SEC11A: variants seen among roughly 807,000 people sequenced by gnomAD.
SEC11A encodes the protein SEC11 homolog A, signal peptidase complex subunit, also known as signal peptidase complex catalytic subunit SEC11A.
In SEC11A, 14 loss-of-function variants were observed where a neutral mutation model predicts 25.6. The ratio of observed to expected loss-of-function variants is 0.55; its 90% CI spans 0.36 to 0.85. SEC11A has a LOEUF of 0.85. SEC11A is among the 40% of genes least tolerant of loss of function. The pLI, the probability that SEC11A is intolerant of heterozygous loss-of-function variation, is 0.01. For missense variants in SEC11A, 153 were observed against 222.9 expected, an observed-to-expected ratio of 0.69 and a Z score of 2.00; for synonymous variants, 83 against 76.4, an observed-to-expected ratio of 1.09 and a Z score of -0.45.
At chr15:84,687,198 GAGA>G (rs948162710) in intron 3 of SEC11A, among the ~76,000 whole-genome samples, 4 of 152,002 alleles carry the variant, frequency 2.6e-5, no homozygotes, top group African/African-American at 9.7e-5. Context: ...TGTTTTAATA[GAGA>G]AGGAGTCTCA....
chr15:84,680,663 C>T, intron 4 of SEC11A, 50 bp downstream of exon 4: 1 of 1,507,464 alleles, frequency 6.6e-7, no homozygotes, highest in Non-Finnish European at 9.0e-7. Flanking sequence ...ATTGAGAGGG[C>T]CACACTTCAA....
chr15:84,691,073 CTTTTTTTT>C (rs199982469), intron 2 of SEC11A, among the ~76,000 whole-genome samples: 1 of 132,984 alleles, frequency 7.5e-6, no homozygotes, highest in Non-Finnish European at 1.6e-5. Context: ...TCTTTTCTCT[CTTTTTTTT>C]TTTTTTTTTG....
intron 1 of SEC11A, among the ~76,000 whole-genome samples, chr15:84,703,941 A>G (rs1202747219): frequency 6.6e-6 from 1 of 152,106 alleles, no homozygotes; most frequent in Non-Finnish European, 1.5e-5. Context: ...TTCCCCAGCC[A>G]CCTGTCTTAC....
At chr15:84,679,829 T>A in intron 4 of SEC11A, 1 of 753,894 alleles carries the variant, frequency 1.3e-6, no homozygotes, top group South Asian at 1.9e-5. Flanking sequence ...TTAGAATGAG[T>A]CTCTGGTACA....
intron 1 of SEC11A, among the ~76,000 whole-genome samples, chr15:84,708,123 A>C (rs1898151775): frequency 1.4e-5 from 2 of 141,340 alleles, no homozygotes; most frequent in African/African-American, 5.2e-5. Context: ...AGGCAAGATA[A>C]TTGCTTGAAC....
At chr15:84,680,632 T>C (rs1264400976) in intron 4 of SEC11A, 81 bp downstream of exon 4, 2 of 1,340,354 alleles carry the variant, frequency 1.5e-6, no homozygotes, top group Admixed American at 4.8e-5. Flanking sequence ...TATATTCAAC[T>C]GTGTATGATC....
At chr15:84,695,249 G>A (rs188327678) in intron 1 of SEC11A, among the ~76,000 whole-genome samples, 1 of 151,898 alleles carries the variant, frequency 6.6e-6, no homozygotes, top group East Asian at 1.9e-4. Context: ...GATCACCTGA[G>A]GTTGGGAGTT....
intron 1 of SEC11A, among the ~76,000 whole-genome samples, chr15:84,698,932 T>C (rs1433587219): frequency 6.6e-6 from 1 of 152,140 alleles, no homozygotes; most frequent in African/African-American, 2.4e-5. Flanking sequence ...AACCCGTACA[T>C]AAATCGTAGT....
intron 4 of SEC11A, among the ~76,000 whole-genome samples, chr15:84,676,465 T>A (rs1419093683): frequency 3.3e-4 from 42 of 126,734 alleles, no homozygotes; most frequent in African/African-American, 8.0e-4. Flanking sequence ...AAAAAAAAAA[T>A]TTTTTTTTTT....
intron 1 of SEC11A, among the ~76,000 whole-genome samples, chr15:84,693,019 C>A (rs1003497328): frequency 1.3e-5 from 2 of 151,964 alleles, no homozygotes; most frequent in East Asian, 3.9e-4. Context: ...GATGAGGTTT[C>A]GCCATATTGC....
At chr15:84,706,050 G>C (rs998604864) in intron 1 of SEC11A, among the ~76,000 whole-genome samples, 2 of 151,644 alleles carry the variant, frequency 1.3e-5, no homozygotes, top group Non-Finnish European at 2.9e-5. Context: ...TGGGAATACA[G>C]GTGCCCGCCA....
At chr15:84,699,570 C>T (rs1897866605) in intron 1 of SEC11A, among the ~76,000 whole-genome samples, 2 of 152,048 alleles carry the variant, frequency 1.3e-5, no homozygotes, top group Non-Finnish European at 2.9e-5. Flanking sequence ...AATTTCCAGA[C>T]CACAGGGCAA....
intron 1 of SEC11A, among the ~76,000 whole-genome samples, chr15:84,697,086 C>G (rs570377232): frequency 6.7e-6 from 1 of 148,990 alleles, no homozygotes; most frequent in Non-Finnish European, 1.5e-5. Context: ...CATAGCAAGA[C>G]CCTGTCTCTT....
intron 1 of SEC11A, among the ~76,000 whole-genome samples, chr15:84,711,609 G>A (rs1898269484): frequency 1.3e-5 from 2 of 151,886 alleles, no homozygotes; most frequent in African/African-American, 2.4e-5. Context: ...CTTGAGGTCA[G>A]GAGTTCAAGA....
intron 1 of SEC11A, among the ~76,000 whole-genome samples, chr15:84,698,626 T>C (rs1034426631): frequency 4.6e-5 from 7 of 152,238 alleles, no homozygotes; most frequent in Non-Finnish European, 1.0e-4. Flanking sequence ...TAAATAAGCA[T>C]ACCATCATTA....
intron 1 of SEC11A, among the ~76,000 whole-genome samples, chr15:84,693,711 T>C (rs1194127391): frequency 2.6e-5 from 4 of 152,146 alleles, no homozygotes; most frequent in Non-Finnish European, 4.4e-5. Context: ...TCCACCCGCC[T>C]TGACGTCCCA....
At chr15:84,701,396 T>C (rs1325616481) in intron 1 of SEC11A, among the ~76,000 whole-genome samples, 3 of 151,880 alleles carry the variant, frequency 2.0e-5, no homozygotes, top group Non-Finnish European at 4.4e-5. Flanking sequence ...CCCAGCTCAC[T>C]GCAACCTCCA....
intron 3 of SEC11A, among the ~76,000 whole-genome samples, chr15:84,683,904 G>A (rs1897346312): frequency 6.6e-6 from 1 of 152,246 alleles, no homozygotes; most frequent in East Asian, 1.9e-4. Context: ...ATTTACATAG[G>A]ATTTTTCCCT....
chr15:84,670,163 C>G, intron 5 of SEC11A, 94 bp from the exon 6 acceptor site: 1 of 1,104,246 alleles, frequency 9.1e-7, no homozygotes, highest in Non-Finnish European at 1.3e-6. Flanking sequence ...GTGAATATAT[C>G]GCTAAACTAC....
Sources: gnomAD v4.1 joint callset for allele counts (sites outside exome capture counted in the v4.1 genomes callset) on GRCh38, gnomAD v4.1.1 for gene constraint, MANE v1.5 for transcripts, NCBI Gene and HGNC (gene_info 2026-07-23, HGNC 2026-07-21) for gene names.